The following CHN1 variants were observed in gnomAD, a reference collection of about 807,000 sequenced individuals.
CHN1 encodes the protein chimerin 1.
CHN1 carries 37 observed loss-of-function variants against 59.5 expected under a neutral mutation model. The observed-to-expected ratio is 0.62, with a 90% CI of 0.48 to 0.82. The LOEUF (loss-of-function observed/expected upper bound fraction) is 0.82, where lower values mean the gene tolerates loss of function less well. Among genes scored for constraint, CHN1 ranks in the 40% least tolerant of loss-of-function variants. The pLI, the probability that CHN1 is intolerant of heterozygous loss-of-function variation, is 0.00. For synonymous variants in CHN1, 206 were observed against 200.4 expected, an observed-to-expected ratio of 1.03 and a Z score of -0.24; for missense variants, 469 against 571.0, an observed-to-expected ratio of 0.82 and a Z score of 1.82.
chr2:174,905,567 T>C (rs935915878), intron 5 of CHN1, among the ~76,000 whole-genome samples: 1 of 149,128 alleles, frequency 6.7e-6, no homozygotes, highest in African/African-American at 2.5e-5. Flanking sequence ...AAAAAAAAAT[T>C]TTTTTTTTTT....
chr2:174,939,853 C>T lies in CHN1; in HGVS notation c.114+5035G>A, dbSNP rs1300889625. On this transcript the variant is annotated intron_variant, in intron 3 of 12. Coordinates refer to ENST00000409900, the MANE Select transcript of CHN1 (RefSeq NM_001822.7). ...AAATCTACATATATCTAAACTGCAA[C>T]TGGACATTCAAAAGACAATCCCATG... Among the ~76,000 whole-genome samples, 10 of 152,206 alleles carry T rather than the reference C, an allele frequency of 6.6e-5. No individual in the cohort carries two copies. The South Asian group carries it at 2.1e-3, about 32-fold the overall frequency.
intron 1 of CHN1, among the ~76,000 whole-genome samples, chr2:174,996,991 C>A (rs1691730584): frequency 6.6e-6 from 1 of 152,324 alleles, no homozygotes; most frequent in South Asian, 2.1e-4. Flanking sequence ...TTACCCCTCA[C>A]TCTCCTCTAT....
intron 5 of CHN1, among the ~76,000 whole-genome samples, chr2:174,907,067 C>A (rs1184929782): frequency 6.6e-6 from 1 of 152,088 alleles, no homozygotes; most frequent in African/African-American, 2.4e-5. Context: ...GAACACTCAG[C>A]CTATATATTT....
Position 174,989,492 on chromosome 2 carries a change from T to C in CHN1, c.19+15402A>G, listed in dbSNP as rs145064409. Among the ~76,000 whole-genome samples, 422 of 151,634 alleles carry C rather than the reference T, an allele frequency of 2.8e-3. 1 individual carries two copies. The highest frequency in any genetic ancestry group is 9.9e-3 in the African/African-American group (411 of 41,334). Reference sequence around the variant, plus strand: ...ACATATTAAAGTTGCATATTAGGCCTGGCATGGTGGATCACACCTGTAATC... The same window carrying C: ...ACATATTAAAGTTGCATATTAGGCCCGGCATGGTGGATCACACCTGTAATC... On this transcript the variant is annotated intron_variant, in intron 1 of 12. Transcript: ENST00000409900.
At chr2:174,985,067 T>C (rs957097558) in intron 1 of CHN1, among the ~76,000 whole-genome samples, 2 of 152,198 alleles carry the variant, frequency 1.3e-5, no homozygotes, top group African/African-American at 4.8e-5. Flanking sequence ...TGATACTATT[T>C]GCTTGATGAT....
intron 1 of CHN1, among the ~76,000 whole-genome samples, chr2:174,994,682 T>G (rs570984018): frequency 1.3e-5 from 2 of 152,224 alleles, no homozygotes; most frequent in African/African-American, 4.8e-5. Flanking sequence ...AAGCTGAGTT[T>G]TGCAAGATGT....
chr2:174,833,616 A>T (rs1349409700), intron 7 of CHN1, among the ~76,000 whole-genome samples: 1 of 151,844 alleles, frequency 6.6e-6, no homozygotes, highest in African/African-American at 2.4e-5. Context: ...GGTGTGTTTG[A>T]GTCATTTTCA....
rs368644554 is a variant in CHN1, at chr2:174,955,184, CTATA to C, written c.20-2986_20-2983del. ...TCTATATATCTCTATATATCTATAT[CTATA>C]TATATATATATAATTGATATATATA... On this transcript the variant is annotated intron_variant, in intron 1 of 12. Coordinates refer to ENST00000409900, the MANE Select transcript of CHN1 (RefSeq NM_001822.7). Among the ~76,000 whole-genome samples the C allele has an allele frequency of 9.7e-5, 8 of 82,720 alleles. No individual in the cohort carries two copies. In the East Asian group the frequency reaches 1.3e-3, roughly 14 times the overall value. 54.3% of individuals were successfully genotyped at this position (82,720 alleles called of 152,430 possible).
At chr2:174,993,019 G>C (rs1466508300) in intron 1 of CHN1, among the ~76,000 whole-genome samples, 2 of 151,938 alleles carry the variant, frequency 1.3e-5, no homozygotes, top group African/African-American at 4.8e-5. Flanking sequence ...TGAATTCCTG[G>C]CCTCAAGCAA....
chr2:174,859,287 A>AT (rs1404637093), intron 6 of CHN1, among the ~76,000 whole-genome samples: 1 of 152,144 alleles, frequency 6.6e-6, no homozygotes, highest in Non-Finnish European at 1.5e-5. Flanking sequence ...CTCTAGGAAG[A>AT]TATGTCATAT....
chr2:174,948,302 T>C (rs967965711), intron 2 of CHN1, among the ~76,000 whole-genome samples: 2 of 152,076 alleles, frequency 1.3e-5, no homozygotes, highest in African/African-American at 4.8e-5. Context: ...AACATGACAA[T>C]AAAAGGAGCT....
chr2:174,847,544 C>T, intron 6 of CHN1: 1 of 1,254,008 alleles, frequency 8.0e-7, no homozygotes, highest in Non-Finnish European at 1.0e-6. Context: ...AAGATGCCTA[C>T]ATACTGCCTG....
intron 1 of CHN1, among the ~76,000 whole-genome samples, chr2:174,984,248 C>G (rs1691262288): frequency 6.6e-6 from 1 of 151,898 alleles, no homozygotes; most frequent in East Asian, 1.9e-4. Context: ...TACATCTGCT[C>G]CTACATATAA....
In CHN1 at chr2:174,812,498, A is replaced by AGAAAG; in HGVS notation, c.713-21_713-17dup. The AGAAAG allele has an allele frequency of 1.2e-6, 2 of 1,611,398 alleles. No homozygotes were observed. Among genetic ancestry groups the AGAAAG allele is most frequent in the Non-Finnish European group, 1.7e-6 (2 of 1,179,186 alleles). On this transcript the variant is annotated splice_polypyrimidine_tract_variant and intron_variant, in intron 8 of 12. Coordinates refer to ENST00000409900, the MANE Select transcript of CHN1 (RefSeq NM_001822.7). ...AAACCACAATCTAAGAAAAGAATAA[A>AGAAAG]GAAAGGAAACATTCAATATTATTTT...
chr2:174,933,856 A>T (rs1689422499), intron 3 of CHN1, among the ~76,000 whole-genome samples: 1 of 152,230 alleles, frequency 6.6e-6, no homozygotes, highest in Non-Finnish European at 1.5e-5. Flanking sequence ...GAGGTTAAGC[A>T]AGAATGCAGA....
At chr2:174,840,251 C>CTCTA (rs905963799) in intron 7 of CHN1, among the ~76,000 whole-genome samples, 1 of 147,350 alleles carries the variant, frequency 6.8e-6, no homozygotes, top group African/African-American at 2.5e-5. Flanking sequence ...TCACTGCAAC[C>CTCTA]TCTATCTCCT....
intron 1 of CHN1, among the ~76,000 whole-genome samples, chr2:174,996,042 A>T (rs1190338298): frequency 6.6e-6 from 1 of 151,412 alleles, no homozygotes; most frequent in Non-Finnish European, 1.5e-5. Flanking sequence ...AGGAAAAAAC[A>T]TAGTAGATAA....
chr2:174,962,849 G>A (rs949791884), intron 1 of CHN1, among the ~76,000 whole-genome samples: 1 of 152,140 alleles, frequency 6.6e-6, no homozygotes, highest in Non-Finnish European at 1.5e-5. Context: ...GGCAGAGGTT[G>A]CAGCGAGCCA....
chr2:174,854,354 G>A (rs1303700374), intron 6 of CHN1, among the ~76,000 whole-genome samples: 4 of 152,098 alleles, frequency 2.6e-5, no homozygotes, highest in Non-Finnish European at 5.9e-5. Flanking sequence ...GAGGAGCAGT[G>A]TGAGGAATAA....
Sources: gnomAD v4.1 joint callset for allele counts (sites outside exome capture counted in the v4.1 genomes callset) on GRCh38, gnomAD v4.1.1 for gene constraint, MANE v1.5 for transcripts, NCBI Gene and HGNC (gene_info 2026-07-23, HGNC 2026-07-21) for gene names.